CLVS1: variants seen among roughly 807,000 people sequenced by gnomAD.
CLVS1 encodes the protein clavesin 1.
A neutral mutation model predicts 33.1 loss-of-function variants in CLVS1; 10 were observed. The observed-to-expected ratio is 0.30, with a 90% confidence interval of 0.19 to 0.51. The LOEUF is 0.51. CLVS1 is among the 20% of genes least tolerant of loss of function. The pLI is 0.97. For synonymous variants in CLVS1, 163 were observed against 166.1 expected, an observed-to-expected ratio of 0.98 and a Z score of 0.14; for missense variants, 343 against 433.4, an observed-to-expected ratio of 0.79 and a Z score of 1.85.
chr8:61,356,829 G>A (rs2129599568), intron 2 of CLVS1, among the ~76,000 whole-genome samples: 1 of 152,320 alleles, frequency 6.6e-6, no homozygotes, highest in Non-Finnish European at 1.5e-5. Context: ...TTGTAATATA[G>A]TTTGAAGTCA....
At chr8:61,359,463 C>T (rs541120016) in intron 2 of CLVS1, among the ~76,000 whole-genome samples, 1 of 152,118 alleles carries the variant, frequency 6.6e-6, no homozygotes, top group African/African-American at 2.4e-5. Flanking sequence ...TCAAGTGATT[C>T]TCCTGCCTCA....
chr8:61,086,843 C>T (rs62524481), intron 1 of CLVS1, among the ~76,000 whole-genome samples: 1 of 152,064 alleles, frequency 6.6e-6, no homozygotes, highest in Admixed American at 6.6e-5. Flanking sequence ...AAGTTGTATT[C>T]GTGTGGTGCT....
chr8:61,052,061 G>A, the CLVS1 span, among the ~76,000 whole-genome samples: 1 of 152,230 alleles, frequency 6.6e-6, no homozygotes. Flanking sequence ...TCAGTGAGGG[G>A]GACTCAGAGG....
rs1810376869 is a variant in CLVS1, at chr8:61,300,188, G to T, written c.361G>T (p.Ala121Ser). ...GGCAGATGATCCCGGCATTAAGAGG[G>T]CTCTGATCGATGGGTTCCCCGGGGT... ...FKADDPGIKR[A>S]LIDGFPGVLE... Residue 121 changes from alanine to serine, a missense_variant, in exon 2 of 6, where the codon GCT (alanine) becomes TCT (serine). This residue lies in a region of CLVS1 where 166 missense variants were observed against 244.0 expected (regional missense o/e 0.68). Transcript: ENST00000325897. The T allele has an allele frequency of 1.9e-6, 3 of 1,614,012 alleles. No homozygotes were observed. The highest frequency in any genetic ancestry group is 2.5e-6 in the Non-Finnish European group (3 of 1,179,964).
chr8:61,294,582 T>C (rs565447715), intron 1 of CLVS1, among the ~76,000 whole-genome samples: 43 of 152,218 alleles, frequency 2.8e-4, no homozygotes, highest in African/African-American at 1.0e-3. Context: ...CCTCAGCACT[T>C]CCCAGGGAAT....
intron 2 of CLVS1, among the ~76,000 whole-genome samples, chr8:61,311,774 A>C (rs1019069091): frequency 2.6e-5 from 4 of 152,240 alleles, no homozygotes; most frequent in African/African-American, 9.6e-5. Flanking sequence ...TCTGATGGCT[A>C]GAAGTCCAAG....
At chr8:61,128,552 G>T (rs538003257) in intron 1 of CLVS1, among the ~76,000 whole-genome samples, 1 of 152,294 alleles carries the variant, frequency 6.6e-6, no homozygotes, top group South Asian at 2.1e-4. Context: ...ATGTAACATG[G>T]CATGAAATCC....
chr8:61,006,622 G>T, the CLVS1 span, among the ~76,000 whole-genome samples: 2 of 152,206 alleles, frequency 1.3e-5, no homozygotes, highest in African/African-American at 4.8e-5. Flanking sequence ...AACGTGCAAT[G>T]TGCTTCCATT....
At chr8:61,129,278 G>T (rs905336969) in intron 1 of CLVS1, among the ~76,000 whole-genome samples, 1 of 152,220 alleles carries the variant, frequency 6.6e-6, no homozygotes, top group Non-Finnish European at 1.5e-5. Flanking sequence ...TTTTCCTGTG[G>T]TTGAGTGAAG....
rs572761454 is a variant in CLVS1 at position 61,477,777 on chromosome 8, G to A, written c.977+19235G>A. ...CCTGGATTCATTGATTTTTTGAAGGGTTTTTTGTGTCTCTATGTCCTTCAT... is the reference window on the plus strand; with the variant it reads ...CCTGGATTCATTGATTTTTTGAAGGATTTTTTGTGTCTCTATGTCCTTCAT... On this transcript the variant is annotated intron_variant, in intron 5 of 5. Transcript: ENST00000325897. Among the ~76,000 whole-genome samples, 13 of 152,078 alleles carry A rather than the reference G, an allele frequency of 8.5e-5. No homozygotes were observed. In the South Asian group the frequency reaches 1.7e-3, roughly 20 times the overall value.
At chr8:61,266,293 C>CCT in intron 2 of CLVS1, among the ~76,000 whole-genome samples, 1 of 139,120 alleles carries the variant, frequency 7.2e-6, no homozygotes, top group East Asian at 2.1e-4. Context: ...AATTTTCTTT[C>CCT]TTTTTTTTTT....
intron 1 of CLVS1, among the ~76,000 whole-genome samples, chr8:61,112,314 C>A (rs1805644349): frequency 6.6e-6 from 1 of 152,048 alleles, no homozygotes; most frequent in African/African-American, 2.4e-5. Context: ...GTGTATTAGT[C>A]TCACTAATGT....
intron 1 of CLVS1, among the ~76,000 whole-genome samples, chr8:61,294,926 G>A (rs1017382777): frequency 4.6e-5 from 7 of 152,138 alleles, no homozygotes. Flanking sequence ...TCTGTATGAG[G>A]AAATACAAAA....
rs57662569 is a variant in CLVS1 at position 61,461,316 on chromosome 8, G to A, written c.977+2774G>A. ...TGTAAAGCATCAGTGATTTCACAAT[G>A]TTTTTACTCAACCTTCACCATAAAT... On this transcript the variant is annotated intron_variant, in intron 5 of 5. Transcript: ENST00000325897. Among the ~76,000 whole-genome samples the A allele has an allele frequency of 7.7e-3, 1,175 of 152,258 alleles. 7 individuals are homozygous for A. The highest frequency in any genetic ancestry group is 0.027 in the African/African-American group (1,123 of 41,546).
chr8:61,402,483 G>A (rs768787470), intron 3 of CLVS1, among the ~76,000 whole-genome samples: 2 of 152,120 alleles, frequency 1.3e-5, no homozygotes, highest in Non-Finnish European at 2.9e-5. Flanking sequence ...TACAAAACAA[G>A]TGAGAGCTGT....
chr8:61,476,032 A>G (rs1817913625), intron 5 of CLVS1, among the ~76,000 whole-genome samples: 1 of 152,218 alleles, frequency 6.6e-6, no homozygotes, highest in Non-Finnish European at 1.5e-5. Flanking sequence ...CAGTTTTCCC[A>G]GCACCATTTA....
chr8:61,333,870 A>G (rs983787294), intron 2 of CLVS1, among the ~76,000 whole-genome samples: 1 of 151,936 alleles, frequency 6.6e-6, no homozygotes, highest in Non-Finnish European at 1.5e-5. Flanking sequence ...CCACCCTCCA[A>G]TAGACCCCAG....
intron 2 of CLVS1, among the ~76,000 whole-genome samples, chr8:61,219,252 T>C (rs1235201679): frequency 6.6e-6 from 1 of 152,192 alleles, no homozygotes; most frequent in Non-Finnish European, 1.5e-5. Flanking sequence ...ACATGTACCA[T>C]GATAGTTTGC....
chr8:61,202,826 C>A, intron 2 of CLVS1: 1 of 1,107,782 alleles, frequency 9.0e-7, no homozygotes, highest in Non-Finnish European at 1.4e-6. Context: ...GTAAAACTTG[C>A]TGCTGATGAA....
Sources: allele counts gnomAD v4.1 joint callset (sites outside exome capture counted in the v4.1 genomes callset), GRCh38; gene constraint gnomAD v4.1.1; regional missense constraint gnomAD v4.1.1; transcripts MANE v1.5; gene names NCBI Gene and HGNC (gene_info 2026-07-23, HGNC 2026-07-21).